Variants in PRKCB observed in about 807,000 individuals in gnomAD.
PRKCB encodes protein kinase C beta type.
A neutral mutation model predicts 81.5 loss-of-function variants in PRKCB; 13 were observed. The observed-to-expected ratio is 0.16, with a 90% CI of 0.10 to 0.25. The LOEUF is 0.25. PRKCB is among the 10% of genes least tolerant of loss of function. PRKCB has a pLI of 1.00. For synonymous variants in PRKCB, 335 were observed against 321.4 expected (o/e 1.04, Z -0.45); for missense variants, 509 against 875.7 (o/e 0.58, Z 5.29).
chr16:23,836,368 G>C lies in PRKCB; in HGVS notation c.173+20G>C, dbSNP rs201303255. ...CATCTGGTGAGCGCGCGCGCGCAGG[G>C]CACCTTCCCGGGCCCCCGAGGGCAG... On this transcript the variant is annotated intron_variant, in intron 1 of 16. Transcript: ENST00000643927. 6.3e-7 allele frequency: 1 copy of C among 1,592,492 alleles called. No individual in the cohort carries two copies. Among genetic ancestry groups the C allele is most frequent in the Non-Finnish European group, 8.5e-7 (1 of 1,170,932 alleles).
At chr16:24,104,198 C>T (rs926773201) in intron 7 of PRKCB, among the ~76,000 whole-genome samples, 1 of 152,176 alleles carries the variant, frequency 6.6e-6, no homozygotes, top group Non-Finnish European at 1.5e-5. Flanking sequence ...AAATGATTCA[C>T]AAACATTCTT....
chr16:24,213,402 G>A (rs1289107706), intron 16 of PRKCB, among the ~76,000 whole-genome samples: 1 of 152,132 alleles, frequency 6.6e-6, no homozygotes, highest in Non-Finnish European at 1.5e-5. Context: ...ATCTTGCTCT[G>A]CTATTGGTTT....
chr16:23,907,352 C>G lies in PRKCB; in HGVS notation c.205+69946C>G, dbSNP rs569747779. ...CAGTGCATGATGTGATCATAGCTCA[C>G]TGCAGCCTCAAATTCCTGGCTCAAG... is the stretch of plus-strand genomic sequence containing the variant. On this transcript the variant is annotated intron_variant, in intron 2 of 16. Coordinates refer to ENST00000643927, the MANE Select transcript of PRKCB (RefSeq NM_002738.7). 4.6e-5 allele frequency among the ~76,000 whole-genome samples: 7 copies of G among 152,358 alleles called. No homozygotes were observed. The South Asian group carries it at 1.0e-3, about 23-fold the overall frequency.
intron 7 of PRKCB, among the ~76,000 whole-genome samples, chr16:24,110,419 G>A (rs1276823395): frequency 6.6e-6 from 1 of 151,512 alleles, no homozygotes; most frequent in Non-Finnish European, 1.5e-5. Flanking sequence ...TCACCATGTT[G>A]GCCAGGTTGT....
intron 2 of PRKCB, among the ~76,000 whole-genome samples, chr16:23,868,066 A>G (rs764524148): frequency 3.9e-5 from 6 of 152,180 alleles, no homozygotes; most frequent in Non-Finnish European, 5.9e-5. Context: ...ATCTCCTTAT[A>G]CACTGACCTC....
At chr16:23,870,777 T>C (rs1962889813) in intron 2 of PRKCB, among the ~76,000 whole-genome samples, 1 of 152,208 alleles carries the variant, frequency 6.6e-6, no homozygotes, top group Admixed American at 6.5e-5. Flanking sequence ...GGTGTATGAA[T>C]TTGCTTCTTC....
chr16:24,112,858 T>A, intron 7 of PRKCB, 115 bp from the exon 8 acceptor site: 1 of 714,692 alleles, frequency 1.4e-6, no homozygotes, highest in Admixed American at 2.7e-5. Flanking sequence ...CAAAAAACCC[T>A]CAACGTATAT....
chr16:24,040,424 T>G (rs1487344133), intron 5 of PRKCB, among the ~76,000 whole-genome samples: 1 of 152,200 alleles, frequency 6.6e-6, no homozygotes, highest in Non-Finnish European at 1.5e-5. Context: ...TCGGTTCATT[T>G]TTACCATCTA....
At chr16:23,923,364 T>G (rs1191068044) in intron 2 of PRKCB, among the ~76,000 whole-genome samples, 1 of 152,026 alleles carries the variant, frequency 6.6e-6, no homozygotes. Flanking sequence ...CTACTCACAT[T>G]TCCTCTAGGT....
intron 8 of PRKCB, among the ~76,000 whole-genome samples, chr16:24,122,948 C>T (rs976465258): frequency 5.9e-5 from 9 of 152,160 alleles, no homozygotes; most frequent in Middle Eastern, 3.2e-3. Flanking sequence ...TGAGGACACA[C>T]GTGGCCCTCA....
intron 2 of PRKCB, among the ~76,000 whole-genome samples, chr16:23,966,124 G>T (rs551871800): frequency 6.6e-6 from 1 of 152,178 alleles, no homozygotes. Flanking sequence ...GAACGTCTGC[G>T]CAAAGTGGCT....
chr16:24,148,949 A>C (rs1322112677), intron 9 of PRKCB, among the ~76,000 whole-genome samples: 3 of 152,204 alleles, frequency 2.0e-5, no homozygotes, highest in Non-Finnish European at 4.4e-5. Flanking sequence ...AAAACATAGA[A>C]GCTTAAAACA....
chr16:24,018,468 G>A (rs1176252026), intron 3 of PRKCB, among the ~76,000 whole-genome samples: 1 of 152,108 alleles, frequency 6.6e-6, no homozygotes, highest in Non-Finnish European at 1.5e-5. Flanking sequence ...TTCCACACAA[G>A]GAAACGAAAA....
intron 9 of PRKCB, among the ~76,000 whole-genome samples, chr16:24,142,665 A>G (rs1966918535): frequency 6.6e-6 from 1 of 152,246 alleles, no homozygotes. Flanking sequence ...GCAGCAGCTC[A>G]GTGCAGCAGG....
At chr16:24,198,487 C>A (rs977284127) in intron 16 of PRKCB, among the ~76,000 whole-genome samples, 2 of 152,094 alleles carry the variant, frequency 1.3e-5, no homozygotes, top group African/African-American at 4.8e-5. Flanking sequence ...TCATTAGAGT[C>A]CTTGGAGTCT....
chr16:24,204,023 G>A (rs409385), intron 16 of PRKCB, among the ~76,000 whole-genome samples: 8,828 of 151,924 alleles, frequency 0.058, 311 homozygotes, highest in Non-Finnish European at 0.077. Context: ...GGGAATATGG[G>A]TAGGAATTTA....
rs754012268 is a variant in PRKCB at position 24,172,305 on chromosome 16, G to T, written c.1275G>T (p.Gly425=). 3 of 1,613,972 alleles carry T rather than the reference G, an allele frequency of 1.9e-6. No homozygotes were observed. The South Asian group carries it at 3.3e-5, about 18-fold the overall frequency. ...RLYFVMEYVN[G]GDLMYHIQQV... ...ACTTTGTGATGGAGTACGTGAATGG[G>T]GGCGACCTCATGTATCACATCCAGC... is the stretch of plus-strand genomic sequence containing the variant. Residue 425 remains glycine (G), a synonymous_variant, in exon 11 of 17, where the codon GGG becomes GGT. Transcript: ENST00000643927.
At chr16:24,140,551 G>A (rs1966888441) in intron 9 of PRKCB, among the ~76,000 whole-genome samples, 1 of 152,138 alleles carries the variant, frequency 6.6e-6, no homozygotes, top group Non-Finnish European at 1.5e-5. Flanking sequence ...GCTGCTGATT[G>A]GTTGGAGATG....
At chr16:23,949,306 A>G (rs1055019108) in intron 2 of PRKCB, among the ~76,000 whole-genome samples, 36 of 152,216 alleles carry the variant, frequency 2.4e-4, no homozygotes, top group African/African-American at 8.4e-4. Context: ...AAGGAAGAGA[A>G]AGGAGACCTT....
Sources: gnomAD v4.1 joint callset for allele counts (sites outside exome capture counted in the v4.1 genomes callset) on GRCh38, gnomAD v4.1.1 for gene constraint, MANE v1.5 for transcripts, NCBI Gene and HGNC (gene_info 2026-07-23, HGNC 2026-07-21) for gene names.